ZSCAN32: variants seen among roughly 807,000 people sequenced by gnomAD.
The protein encoded by ZSCAN32 is zinc finger and SCAN domain containing 32.
In ZSCAN32, 52 loss-of-function variants were observed where a neutral mutation model predicts 47.4. The ratio of observed to expected loss-of-function variants is 1.10; its 90% confidence interval spans 0.88 to 1.38. ZSCAN32 has a LOEUF of 1.38. Ranked by LOEUF, ZSCAN32 falls within the 40% of genes most tolerant of loss-of-function variation. The probability of loss-of-function intolerance (pLI) is 0.00; values close to 1 mark genes in which losing one functional copy is unlikely to be tolerated. For synonymous variants in ZSCAN32, 346 were observed against 305.7 expected, an observed-to-expected ratio of 1.13 and a Z score of -1.38; for missense variants, 959 against 846.0, an observed-to-expected ratio of 1.13 and a Z score of -1.66.
chr16:3,387,675 C>T lies in ZSCAN32; in HGVS notation c.751+2335G>A, dbSNP rs115751910. ...CCTCATGCCTGGATCACTGCCATAG[C>T]CTATCTGGTCTTCTTGCTTCCACTC... On this transcript the variant is annotated intron_variant, in intron 5 of 6. Coordinates refer to ENST00000396852, the MANE Select transcript of ZSCAN32 (RefSeq NM_001284527.2). 3.9e-3 allele frequency among the ~76,000 whole-genome samples: 596 copies of T among 152,322 alleles called. 8 individuals carry two copies. The highest frequency in any genetic ancestry group is 0.014 in the African/African-American group (573 of 41,574).
At chr16:3,390,323 C>CCAT in intron 4 of ZSCAN32, 100 bp downstream of exon 4, 1 of 1,361,910 alleles carries the variant, frequency 7.3e-7, no homozygotes, top group East Asian at 2.5e-5. Context: ...CCGAGAAGCC[C>CCAT]CATGGACCAC....
At chr16:3,385,272 G>A (rs1349046630) in intron 5 of ZSCAN32, among the ~76,000 whole-genome samples, 5 of 152,182 alleles carry the variant, frequency 3.3e-5, no homozygotes, top group African/African-American at 1.2e-4. Flanking sequence ...GTTGCAGTGA[G>A]CTGAGATTGT....
In ZSCAN32 at chr16:3,382,854, A is replaced by T. The variant is rs769141460; in HGVS notation, c.2092T>A (p.Ter698ArgextTer4). 1.6e-5 allele frequency: 25 copies of T among 1,555,374 alleles called. No homozygotes were observed. In the South Asian group the frequency reaches 2.8e-4, roughly 17 times the overall value. ...AATCTGACAGTTTACCGACACACTCATAACGCATCTCTTCCTTCCTGTGAT... is the reference window on the plus strand; with the variant it reads ...AATCTGACAGTTTACCGACACACTCTTAACGCATCTCTTCCTTCCTGTGAT... Reference protein sequence around the residue: ...LSSQEGRDAL* With the variant: ...LSSQEGRDALR The change falls in exon 7 of 7, where the codon TGA (stop) becomes AGA (arginine). Residue 698 changes from the stop codon to arginine (R), a stop_lost. Coordinates refer to ENST00000396852, the MANE Select transcript of ZSCAN32 (RefSeq NM_001284527.2).
At position 3,392,877 on chromosome 16, in the gene ZSCAN32, A is replaced by C. The variant is rs145721170; in HGVS notation, c.532+772T>G. Among the ~76,000 whole-genome samples, 237 of 151,770 alleles carry C rather than the reference A, an allele frequency of 1.6e-3. 1 individual carries two copies. Among genetic ancestry groups the C allele is most frequent in the African/African-American group, 5.3e-3 (221 of 41,430 alleles). On this transcript the variant is annotated intron_variant, in intron 3 of 6. Coordinates refer to ENST00000396852, the MANE Select transcript of ZSCAN32 (RefSeq NM_001284527.2). ...TCTAAAAAAATTAAGACAAGTAAAA[A>C]CAAAAAATAGAGCTCTGGAAGAAAA...
Position 3,397,757 on chromosome 16 carries a change from G to GA in ZSCAN32, c.-187-14dup. 1 of 602,488 alleles carries GA rather than the reference G, an allele frequency of 1.7e-6. No homozygotes were observed. Among genetic ancestry groups the GA allele is most frequent in the Non-Finnish European group, 2.8e-6 (1 of 359,748 alleles). The allele number at this position is 602,488 out of a possible 1,614,324, so 37.3% of individuals were successfully genotyped here. The stretch of plus-strand genomic sequence containing the variant: ...CTTTGAAGGATGTCTGAAGAGGATG[G>GA]AAAAAGACAATATAAACCTATCAAA... On this transcript the variant is annotated splice_polypyrimidine_tract_variant and intron_variant, in intron 1 of 6. Coordinates refer to ENST00000396852, the MANE Select transcript of ZSCAN32 (RefSeq NM_001284527.2).
At chr16:3,400,752 C>T (rs962261095) in intron 1 of ZSCAN32, among the ~76,000 whole-genome samples, 193 bp downstream of exon 1, 1 of 151,964 alleles carries the variant, frequency 6.6e-6, no homozygotes, top group Non-Finnish European at 1.5e-5. Context: ...GTGATCCGCA[C>T]GGTGGGAGCG....
chr16:3,393,844 C>A, intron 2 of ZSCAN32, 30 bp from the exon 3 acceptor site: 1 of 1,505,270 alleles, frequency 6.6e-7, no homozygotes, highest in Non-Finnish European at 9.0e-7. Context: ...TCTATCACTA[C>A]AAATTCCTGC....
chr16:3,384,828 C>T lies in ZSCAN32; in HGVS notation c.865G>A (p.Ala289Thr), dbSNP rs2031750017. ...TCQQNSQIYR[A>T]MAEGLWEQGF... is the part of the protein sequence containing the mutation. ...TGCTCCCAGAGTCCTTCCGCCATGG[C>T]CCTGTAGATCTGGCTGTTCTGCTGA... Residue 289 changes from alanine to threonine, a missense_variant, in exon 6 of 7, where the codon GCC (alanine) becomes ACC (threonine). By Grantham distance (58) the Ala-to-Thr change is moderately conservative. Transcript: ENST00000396852. 3 of 1,614,030 alleles carry T rather than the reference C, an allele frequency of 1.9e-6. No individual in the cohort carries two copies. In the African/African-American group the frequency reaches 4.0e-5, roughly 22 times the overall value.
At chr16:3,385,010 T>C in intron 5 of ZSCAN32, 69 bp from the exon 6 acceptor site, 1 of 1,528,848 alleles carries the variant, frequency 6.5e-7, no homozygotes, top group Non-Finnish European at 8.8e-7. Flanking sequence ...TACTGCAGTG[T>C]GCAGTTTTGG....
intron 2 of ZSCAN32, among the ~76,000 whole-genome samples, chr16:3,395,297 T>C (rs2033262908): frequency 6.6e-6 from 1 of 152,170 alleles, no homozygotes; most frequent in African/African-American, 2.4e-5. Context: ...ACTTTCATGA[T>C]AGGTAATAAG....
intron 5 of ZSCAN32, among the ~76,000 whole-genome samples, chr16:3,387,009 G>C (rs1167778552): frequency 6.6e-6 from 1 of 150,958 alleles, no homozygotes; most frequent in Non-Finnish European, 1.5e-5. Context: ...GTTATTTCTA[G>C]GAAGAAATCT....
At chr16:3,391,536 G>A (rs146215159) in intron 3 of ZSCAN32, among the ~76,000 whole-genome samples, 2,721 of 151,934 alleles carry the variant, frequency 0.018, 81 homozygotes, top group African/African-American at 0.059. Flanking sequence ...AAAATTAGCC[G>A]GGCGTGGTGG....
At position 3,397,242 on chromosome 16, in the gene ZSCAN32, CG is replaced by C; in HGVS notation, c.315del (p.Glu106ArgfsTer19). The C allele has an allele frequency of 6.4e-7, 1 of 1,560,956 alleles. No individual in the cohort carries two copies. Among genetic ancestry groups the C allele is most frequent in the Non-Finnish European group, 8.7e-7 (1 of 1,152,704 alleles). On this transcript the variant is annotated frameshift_variant, in exon 2 of 7. Transcript: ENST00000396852. LOFTEE classifies it high-confidence loss of function. Reference sequence around the variant, plus strand: ...TCCTCAACCAGAGCCACAGCTTCCTCGCCGTTTTCTGGATGCTGCTCCCTCA... The same window carrying C: ...TCCTCAACCAGAGCCACAGCTTCCTCCCGTTTTCTGGATGCTGCTCCCTCA... ...TWVREQHPENGEEAVALVEDV... is the reference protein window; with the variant it reads ...TWVREQHPENXEEAVALVEDV...
intron 5 of ZSCAN32, among the ~76,000 whole-genome samples, chr16:3,387,563 A>C (rs557960379): frequency 6.6e-6 from 1 of 152,374 alleles, no homozygotes; most frequent in South Asian, 2.1e-4. Flanking sequence ...CTGTCCCAGC[A>C]AGTGCATTCC....
intron 5 of ZSCAN32, among the ~76,000 whole-genome samples, chr16:3,389,246 G>A (rs1227795649): frequency 6.6e-6 from 1 of 152,140 alleles, no homozygotes; most frequent in Non-Finnish European, 1.5e-5. Flanking sequence ...GCAGAGCAGG[G>A]AAAAACCACA....
At position 3,397,386 on chromosome 16, in the gene ZSCAN32, G is replaced by A; in HGVS notation, c.172C>T (p.Leu58Phe). The A allele has an allele frequency of 1.3e-6, 2 of 1,554,820 alleles. No homozygotes were observed. The highest frequency in any genetic ancestry group is 1.7e-6 in the Non-Finnish European group (2 of 1,149,418). Residue 58 changes from leucine to phenylalanine, a missense_variant, in exon 2 of 7, where the codon CTC (leucine) becomes TTC (phenylalanine). Coordinates refer to ENST00000396852, the MANE Select transcript of ZSCAN32 (RefSeq NM_001284527.2). Reference protein sequence around the residue: ...VTGPHEAFSKLWELCCQWLRP... With the variant: ...VTGPHEAFSKFWELCCQWLRP... ...AGCCACTGACAACAGAGTTCCCAGA[G>A]TTTGCTAAAAGCTTCATGTGGGCCA...
rs1235850 is a variant in ZSCAN32 at position 3,393,202 on chromosome 16, T to A, written c.532+447A>T. Among the ~76,000 whole-genome samples, 151 of 23,036 alleles carry A rather than the reference T, an allele frequency of 6.6e-3. 4 individuals are homozygous for A. Among genetic ancestry groups the A allele is most frequent in the African/African-American group, 0.037 (103 of 2,762 alleles). The allele number at this position is 23,036 out of a possible 152,430, so 15.1% of individuals were successfully genotyped here. ...TATATTTCTATATTTATATATATAT[T>A]TATATTTATATATATATATATATAT... On this transcript the variant is annotated intron_variant, in intron 3 of 6. Transcript: ENST00000396852.
Position 3,397,607 on chromosome 16 carries a change from C to G in ZSCAN32, c.-50G>C, listed in dbSNP as rs542224538. The G allele has an allele frequency of 3.1e-5, 45 of 1,462,266 alleles. No individual in the cohort carries two copies. The South Asian group carries it at 5.6e-4, about 18-fold the overall frequency. The allele number at this position is 1,462,266 out of a possible 1,614,324, so 90.6% of individuals were successfully genotyped here. On this transcript the variant is annotated 5_prime_UTR_variant, in exon 2 of 7. Transcript: ENST00000396852. ...TGGTTGCCACTTCTACCCTGGAGAT[C>G]AGAGTCCATCTTTCCCACATCACTG...
intron 1 of ZSCAN32, 39 bp downstream of exon 1, chr16:3,400,906 C>G (rs1033361150): frequency 2.0e-5 from 3 of 152,394 alleles, no homozygotes; most frequent in African/African-American, 7.2e-5. Flanking sequence ...CAGGGCCCAG[C>G]GGCTAATCCC....
Sources: gnomAD v4.1 joint callset for allele counts (sites outside exome capture counted in the v4.1 genomes callset) on GRCh38, gnomAD v4.1.1 for gene constraint, MANE v1.5 for transcripts, NCBI Gene and HGNC (gene_info 2026-07-23, HGNC 2026-07-21) for gene names.